DYNC1LI1: variants seen among roughly 807,000 people sequenced by gnomAD.
The protein encoded by DYNC1LI1 is dynein cytoplasmic 1 light intermediate chain 1.
A neutral mutation model predicts 63.8 loss-of-function variants in DYNC1LI1; 19 were observed. The ratio of observed to expected loss-of-function variants is 0.30; its 90% CI spans 0.21 to 0.44. The LOEUF (loss-of-function observed/expected upper bound fraction) is 0.44, where lower values mean the gene tolerates loss of function less well. Among genes scored for constraint, DYNC1LI1 ranks in the 20% least tolerant of loss-of-function variants. DYNC1LI1 has a pLI of 1.00. For synonymous variants in DYNC1LI1, 225 were observed against 232.3 expected (o/e 0.97, Z 0.28); for missense variants, 565 against 630.2 (o/e 0.90, Z 1.11).
chr3:32,532,887 A>G (rs1194877945), intron 8 of DYNC1LI1, 99 bp downstream of exon 8: 2 of 1,399,508 alleles, frequency 1.4e-6, no homozygotes, highest in African/African-American at 1.5e-5. Context: ...CCAGATGGAA[A>G]AGGACATTTT....
chr3:32,529,981 C>G (rs1201755469), intron 10 of DYNC1LI1, among the ~76,000 whole-genome samples: 2 of 152,138 alleles, frequency 1.3e-5, no homozygotes, highest in East Asian at 3.8e-4. Context: ...TAATCTCAGG[C>G]AAGCCACAAC....
chr3:32,536,117 A>G (rs1341939720), intron 6 of DYNC1LI1, among the ~76,000 whole-genome samples: 1 of 152,240 alleles, frequency 6.6e-6, no homozygotes, highest in African/African-American at 2.4e-5. Context: ...AAAAGGGGAA[A>G]GGGAAACTAT....
At chr3:32,545,214 T>C in intron 3 of DYNC1LI1, 108 bp from the exon 4 acceptor site, 1 of 735,328 alleles carries the variant, frequency 1.4e-6, no homozygotes, top group Non-Finnish European at 2.3e-6. Flanking sequence ...AGATGTGCTA[T>C]TGGCTTTGAC....
chr3:32,530,849 G>A, intron 8 of DYNC1LI1: 1 of 231,306 alleles, frequency 4.3e-6, no homozygotes. Context: ...AAAGGCATAT[G>A]AGGCAAGTGG....
intron 1 of DYNC1LI1, 73 bp from the exon 2 acceptor site, chr3:32,570,492 G>A: frequency 2.7e-6 from 4 of 1,484,252 alleles, no homozygotes; most frequent in Non-Finnish European, 3.6e-6. Flanking sequence ...CCCGGCCTCG[G>A]CGCGCCGGGG....
intron 2 of DYNC1LI1, among the ~76,000 whole-genome samples, chr3:32,553,789 T>C (rs575797779): frequency 6.6e-6 from 1 of 152,340 alleles, no homozygotes; most frequent in East Asian, 1.9e-4. Flanking sequence ...CTCAGTTAAG[T>C]ACCTTATCCA....
chr3:32,526,915 TGAA>T lies in DYNC1LI1; in HGVS notation c.1463-10_1463-8del. 2 of 1,590,534 alleles carry T rather than the reference TGAA, an allele frequency of 1.3e-6. No individual in the cohort carries two copies. Among genetic ancestry groups the T allele is most frequent in the South Asian group, 2.3e-5 (2 of 88,460 alleles). On this transcript the variant is annotated splice_region_variant and splice_polypyrimidine_tract_variant and intron_variant, in intron 12 of 12. Transcript: ENST00000273130. ...TCTAAGACAGGCTTCTGGCCTACAT[TGAA>T]GAAAAAGAAAAAAAACAAGATTTAG...
chr3:32,538,700 A>T (rs539684318), intron 5 of DYNC1LI1, among the ~76,000 whole-genome samples: 164 of 141,222 alleles, frequency 1.2e-3, no homozygotes, highest in African/African-American at 3.8e-3. Flanking sequence ...GGCTCCATAT[A>T]AAAAAAAAAA....
At chr3:32,527,043 T>C (rs1697628446) in intron 12 of DYNC1LI1, 135 bp from the exon 13 acceptor site, 1 of 605,584 alleles carries the variant, frequency 1.7e-6, no homozygotes, top group East Asian at 3.0e-5. Flanking sequence ...CAAACAACAC[T>C]TAATTTAAAA....
intron 4 of DYNC1LI1, among the ~76,000 whole-genome samples, chr3:32,543,164 T>G (rs978264855): frequency 6.6e-6 from 1 of 151,892 alleles, no homozygotes; most frequent in Admixed American, 6.6e-5. Context: ...CAACAACTAC[T>G]ACTCTAGGAT....
At chr3:32,554,033 CA>C (rs1169545964) in intron 2 of DYNC1LI1, among the ~76,000 whole-genome samples, 1 of 152,150 alleles carries the variant, frequency 6.6e-6, no homozygotes, top group Non-Finnish European at 1.5e-5. Flanking sequence ...ACAACAACAA[CA>C]AAAAGACTGT....
At chr3:32,552,947 G>A (rs142205824) in intron 2 of DYNC1LI1, among the ~76,000 whole-genome samples, 178 of 152,076 alleles carry the variant, frequency 1.2e-3, no homozygotes, top group African/African-American at 3.7e-3. Context: ...TGCCTGCCTC[G>A]GCCTCCCAAA....
Position 32,545,502 on chromosome 3 carries a change from T to C in DYNC1LI1, c.337+347A>G, listed in dbSNP as rs3773781. 1.1e-3 allele frequency: 357 copies of C among 326,216 alleles called. 3 individuals carry two copies. In the East Asian group the frequency reaches 0.02, roughly 18 times the overall value. The allele number at this position is 326,216 out of a possible 1,614,324, so 20.2% of individuals were successfully genotyped here. A position where few individuals can be genotyped will look rare whatever the true frequency, so the allele number is the denominator to read the frequency against. On this transcript the variant is annotated intron_variant, in intron 3 of 12. Coordinates refer to ENST00000273130, the MANE Select transcript of DYNC1LI1 (RefSeq NM_016141.4). ...TACAGAAGAAAAAATAGCTGATAGA[T>C]AAAAAAGCTGAGTAGATAATATTTT...
In DYNC1LI1 at chr3:32,544,927, C is replaced by T; in HGVS notation, c.517G>A (p.Val173Ile). 6.2e-7 allele frequency: 1 copy of T among 1,614,006 alleles called. No homozygotes were observed. Among genetic ancestry groups the T allele is most frequent in the Middle Eastern group, 1.7e-4 (1 of 6,060 alleles). Residue 173 changes from valine (V) to isoleucine (I), a missense_variant, in exon 4 of 13, where the codon GTT (valine) becomes ATT (isoleucine). Val to Ile is a conservative substitution (Grantham distance 29). Transcript: ENST00000273130. ...TCAGGAGGGATTTTCAGTTTGTCAA[C>T]ATGTTCTCTAACAACACTTGCCCAT... is the stretch of plus-strand genomic sequence containing the variant. ...QKWASVVREH[V>I]DKLKIPPEEM... is the part of the protein sequence containing the mutation.
intron 4 of DYNC1LI1, among the ~76,000 whole-genome samples, chr3:32,541,812 T>C (rs1243174767): frequency 3.3e-5 from 5 of 152,212 alleles, no homozygotes; most frequent in Admixed American, 6.5e-5. Context: ...TGAAAATGTA[T>C]GTTTAGACTC....
intron 2 of DYNC1LI1, among the ~76,000 whole-genome samples, chr3:32,550,004 T>C (rs1204139071): frequency 6.6e-6 from 1 of 152,182 alleles, no homozygotes; most frequent in Non-Finnish European, 1.5e-5. Context: ...CATTGATAAT[T>C]TGGTTATCTC....
At chr3:32,532,817 A>G in intron 8 of DYNC1LI1, 169 bp downstream of exon 8, 2 of 1,219,918 alleles carry the variant, frequency 1.6e-6, no homozygotes. Flanking sequence ...TATTTTGCTA[A>G]AACAAATCCT....
In DYNC1LI1 at chr3:32,534,926, C is replaced by T. The variant is rs186489562; in HGVS notation, c.833-280G>A. 3.3e-5 allele frequency among the ~76,000 whole-genome samples: 5 copies of T among 152,298 alleles called. No homozygotes were observed. In the East Asian group the frequency reaches 9.6e-4, roughly 29 times the overall value. Reference sequence around the variant, plus strand: ...AAATCTAGAAATACTGACACCATGACTACTTCTATATTTAAAGCACATGAA... The same window carrying T: ...AAATCTAGAAATACTGACACCATGATTACTTCTATATTTAAAGCACATGAA... On this transcript the variant is annotated intron_variant, in intron 6 of 12. Coordinates refer to ENST00000273130, the MANE Select transcript of DYNC1LI1 (RefSeq NM_016141.4).
intron 7 of DYNC1LI1, among the ~76,000 whole-genome samples, 168 bp from the exon 8 acceptor site, chr3:32,533,265 T>C (rs1046892671): frequency 1.3e-5 from 2 of 152,118 alleles, no homozygotes; most frequent in African/African-American, 4.8e-5. Flanking sequence ...CTACTTAAAA[T>C]GAAAGCCTGG....
Sources: gnomAD v4.1 joint callset for allele counts (sites outside exome capture counted in the v4.1 genomes callset) on GRCh38, gnomAD v4.1.1 for gene constraint, MANE v1.5 for transcripts, NCBI Gene and HGNC (gene_info 2026-07-23, HGNC 2026-07-21) for gene names.